The following MIDEAS variants were observed in gnomAD, a reference collection of about 807,000 sequenced individuals.
The protein encoded by MIDEAS is mitotic deacetylase-associated SANT domain protein.
MIDEAS carries 26 observed loss-of-function variants against 102.7 expected under a neutral mutation model. The ratio of observed to expected loss-of-function variants is 0.25; its 90% CI spans 0.19 to 0.35. The LOEUF (loss-of-function observed/expected upper bound fraction) is 0.35. Among genes scored for constraint, MIDEAS ranks in the 10% least tolerant of loss-of-function variants. The probability of loss-of-function intolerance (pLI) is 1.00; values close to 1 mark genes in which losing one functional copy is unlikely to be tolerated. For missense variants in MIDEAS, 1,231 were observed against 1,435.6 expected, an observed-to-expected ratio of 0.86 and a Z score of 2.30; for synonymous variants, 585 against 591.0, an observed-to-expected ratio of 0.99 and a Z score of 0.15.
chr14:73,770,377 T>C (rs1224688585), intron 1 of MIDEAS, among the ~76,000 whole-genome samples: 16 of 152,106 alleles, frequency 1.1e-4, no homozygotes, highest in Admixed American at 1.0e-3. Flanking sequence ...ATGATGATGA[T>C]GATGATGGTG....
At chr14:73,732,105 T>C (rs1282041160) in intron 3 of MIDEAS, among the ~76,000 whole-genome samples, 1 of 152,204 alleles carries the variant, frequency 6.6e-6, no homozygotes, top group Non-Finnish European at 1.5e-5. Flanking sequence ...GTGGAGCTGC[T>C]CAGGCTCCTT....
intron 3 of MIDEAS, among the ~76,000 whole-genome samples, chr14:73,736,251 A>G (rs879525940): frequency 2.0e-5 from 3 of 152,238 alleles, no homozygotes; most frequent in Admixed American, 2.0e-4. Flanking sequence ...ACCTAGTTCT[A>G]AATGAGCACC....
At chr14:73,719,222 T>TCCCCCGGCCCG in intron 12 of MIDEAS, 83 bp downstream of exon 12, 3 of 1,497,102 alleles carry the variant, frequency 2.0e-6, no homozygotes, top group Non-Finnish European at 2.7e-6. Context: ...CTGTACCTCT[T>TCCCCCGGCCCG]CCCCCTCCCC....
At chr14:73,719,222 T>TCCCCCGGCCC in intron 12 of MIDEAS, 83 bp downstream of exon 12, 9 of 1,497,092 alleles carry the variant, frequency 6.0e-6, no homozygotes, top group South Asian at 2.5e-5. Flanking sequence ...CTGTACCTCT[T>TCCCCCGGCCC]CCCCCTCCCC....
chr14:73,780,268 C>T (rs2053742817), intron 1 of MIDEAS, among the ~76,000 whole-genome samples: 1 of 152,208 alleles, frequency 6.6e-6, no homozygotes, highest in African/African-American at 2.4e-5. Flanking sequence ...AGTGACAGAT[C>T]CACTCTCAGT....
intron 1 of MIDEAS, among the ~76,000 whole-genome samples, chr14:73,768,992 T>G (rs1377525634): frequency 7.2e-5 from 11 of 152,226 alleles, no homozygotes; most frequent in Admixed American, 6.5e-4. Flanking sequence ...CATCACACTC[T>G]GCCAGCCTCT....
intron 1 of MIDEAS, among the ~76,000 whole-genome samples, chr14:73,756,283 T>TGCGC (rs1178511277): frequency 1.1e-5 from 1 of 92,910 alleles, no homozygotes; most frequent in African/African-American, 4.4e-5. Flanking sequence ...TGTGTGTGTG[T>TGCGC]GTGTGTGTGT....
At chr14:73,787,362 C>A, upstream of MIDEAS, 1 of 151,740 alleles carries the variant, frequency 6.6e-6, no homozygotes, top group South Asian at 2.0e-4. Context: ...TCTGCGCGCC[C>A]TCGGCTGCGG....
chr14:73,779,571 TTA>T (rs1566611775), intron 1 of MIDEAS, among the ~76,000 whole-genome samples: 1 of 102,688 alleles, frequency 9.7e-6, no homozygotes. Context: ...ATTATTATTA[TTA>T]TTTTTTTTTT....
intron 1 of MIDEAS, among the ~76,000 whole-genome samples, chr14:73,777,169 G>A (rs2053699111): frequency 6.6e-6 from 1 of 151,944 alleles, no homozygotes; most frequent in Admixed American, 6.6e-5. Context: ...TTTGCCTCTG[G>A]AGCGAGTGGC....
Position 73,725,102 on chromosome 14 carries a change from A to C in MIDEAS, c.2574+170T>G, listed in dbSNP as rs2053042704. On this transcript the variant is annotated intron_variant, in intron 9 of 12. Coordinates refer to ENST00000423556, the MANE Select transcript of MIDEAS (RefSeq NM_001367710.1). The surrounding 1 kb of genome is among the most constrained non-coding windows in gnomAD (Gnocchi z 4.1). Reference sequence around the variant, plus strand: ...AAGGATGCTTAGAACCAAAAGGGAAAAGAGACCTATCTTTCTCTTTCTTGT... The same window carrying C: ...AAGGATGCTTAGAACCAAAAGGGAACAGAGACCTATCTTTCTCTTTCTTGT... 2 of 618,944 alleles carry C rather than the reference A, an allele frequency of 3.2e-6. No homozygotes were observed. The highest frequency in any genetic ancestry group is 1.8e-5 in the African/African-American group (1 of 54,446). 38.3% of individuals were successfully genotyped at this position (618,944 alleles called of 1,614,324 possible). A position where few individuals can be genotyped will look rare whatever the true frequency, so the allele number is the denominator to read the frequency against.
chr14:73,739,476 T>G lies in MIDEAS; in HGVS notation c.533A>C (p.Tyr178Ser). The G allele has an allele frequency of 6.2e-7, 1 of 1,609,364 alleles. No individual in the cohort carries two copies. Among genetic ancestry groups the G allele is most frequent in the Non-Finnish European group, 8.5e-7 (1 of 1,177,328 alleles). The change falls in exon 2 of 13, where the codon TAT (tyrosine) becomes TCT (serine). Residue 178 changes from tyrosine (Y) to serine (S), a missense_variant. This residue lies in a region of MIDEAS where 758 missense variants were observed against 856.0 expected (regional missense o/e 0.89). Transcript: ENST00000423556. Reference protein sequence around the residue: ...EKAGGPQLDRYVRPMMPQKVQ... With the variant: ...EKAGGPQLDRSVRPMMPQKVQ... ...CTTCTGTGGCATCATTGGTCGCACATAGCGGTCCAGCTGTGGGCCCCCCGC... is the reference window on the plus strand; with the variant it reads ...CTTCTGTGGCATCATTGGTCGCACAGAGCGGTCCAGCTGTGGGCCCCCCGC...
intron 1 of MIDEAS, among the ~76,000 whole-genome samples, chr14:73,751,365 G>A (rs144011837): frequency 2.0e-5 from 3 of 152,328 alleles, no homozygotes; most frequent in African/African-American, 2.4e-5. Flanking sequence ...GGTTGCTCAC[G>A]TCTGCTCCCT....
Position 73,739,293 on chromosome 14 carries a change from G to C in MIDEAS, c.716C>G (p.Pro239Arg). The C allele has an allele frequency of 6.2e-7, 1 of 1,611,740 alleles. No homozygotes were observed. Among genetic ancestry groups the C allele is most frequent in the Non-Finnish European group, 8.5e-7 (1 of 1,179,758 alleles). The stretch of plus-strand genomic sequence containing the variant: ...CTTCTGTGGAGGGAAGGCAGCCACC[G>C]GGTTTGGGGGCGGTGGGCCCTGCCG... ...VFRQGPPPPN[P>R]VAAFPPQKQQ... The change falls in exon 2 of 13, where the codon CCG (proline) becomes CGG (arginine). Residue 239 changes from proline (P) to arginine (R), a missense_variant. Physicochemically the swap from Pro to Arg is moderately radical, Grantham distance 103. Around this residue, in one of 5 missense-constraint regions of MIDEAS, gnomAD observed 758 missense variants for 856.0 expected, o/e 0.89. Transcript: ENST00000423556.
At chr14:73,728,884 C>T (rs1376478073) in intron 4 of MIDEAS, 1 of 152,358 alleles carries the variant, frequency 6.6e-6, no homozygotes, top group African/African-American at 2.4e-5. Flanking sequence ...GCTGGCCAGC[C>T]TAGGGCAAAC....
intron 5 of MIDEAS, 72 bp from the exon 6 acceptor site, chr14:73,727,044 T>C: frequency 6.6e-7 from 1 of 1,522,724 alleles, no homozygotes; most frequent in Non-Finnish European, 8.9e-7. Flanking sequence ...TCCCTCAGGG[T>C]GGGAAGAAGA....
At chr14:73,748,026 T>C (rs1485823620) in intron 1 of MIDEAS, among the ~76,000 whole-genome samples, 1 of 152,206 alleles carries the variant, frequency 6.6e-6, no homozygotes, top group African/African-American at 2.4e-5. Flanking sequence ...CTAAGTCCAT[T>C]GCAGGCAGCA....
intron 10 of MIDEAS, chr14:73,721,771 C>A: frequency 2.3e-6 from 1 of 438,108 alleles, no homozygotes; most frequent in Non-Finnish European, 4.1e-6. Context: ...CATTGCCACC[C>A]ATCCTCCTGG....
Position 73,725,428 on chromosome 14 carries a change from C to T in MIDEAS, c.2486-68G>A. The T allele has an allele frequency of 1.5e-6, 2 of 1,368,192 alleles. No homozygotes were observed. Among genetic ancestry groups the T allele is most frequent in the Non-Finnish European group, 1.0e-6 (1 of 961,278 alleles). The allele number at this position is 1,368,192 out of a possible 1,614,324, so 84.8% of individuals were successfully genotyped here. On this transcript the variant is annotated intron_variant, in intron 8 of 12. Coordinates refer to ENST00000423556, the MANE Select transcript of MIDEAS (RefSeq NM_001367710.1). This position sits in a 1 kb window ranked among gnomAD's most constrained non-coding sequence, Gnocchi z 4.1. Reference sequence around the variant, plus strand: ...CCTGGCCACTGCAGGGCAATTTTGACAAGCAAAAAAGTGTGAGGCCATCCG... The same window carrying T: ...CCTGGCCACTGCAGGGCAATTTTGATAAGCAAAAAAGTGTGAGGCCATCCG...
Sources: gnomAD v4.1 joint callset for allele counts (sites outside exome capture counted in the v4.1 genomes callset) on GRCh38, gnomAD v4.1.1 for gene constraint, gnomAD v4.1.1 regional missense constraint, Gnocchi (gnomAD v3.1) non-coding constraint, MANE v1.5 for transcripts, NCBI Gene and HGNC (gene_info 2026-07-23, HGNC 2026-07-21) for gene names.